CHD9: variants seen among roughly 807,000 people sequenced by gnomAD.
CHD9 encodes the protein ATP-dependent chromatin remodeler CHD9.
Under a neutral mutation model 316.1 loss-of-function variants are expected in CHD9, and 77 were observed. The observed-to-expected ratio is 0.24, with a 90% CI of 0.20 to 0.29. The LOEUF (loss-of-function observed/expected upper bound fraction) is 0.29, where lower values mean the gene tolerates loss of function less well. Among genes scored for constraint, CHD9 ranks in the 10% least tolerant of loss-of-function variants. The probability of loss-of-function intolerance (pLI) is 1.00; values close to 1 mark genes in which losing one functional copy is unlikely to be tolerated. For missense variants in CHD9, 2,763 were observed against 3,438.1 expected (o/e 0.80, Z 4.91); for synonymous variants, 1,129 against 1,158.3 (o/e 0.97, Z 0.51).
chr16:53,213,146 T>C (rs762174327), intron 3 of CHD9, among the ~76,000 whole-genome samples: 5 of 152,220 alleles, frequency 3.3e-5, no homozygotes, highest in Non-Finnish European at 7.3e-5. Context: ...AACTTATTAA[T>C]GGCTATTTTG....
chr16:53,306,025 T>C (rs2055932731), intron 31 of CHD9, among the ~76,000 whole-genome samples: 1 of 152,156 alleles, frequency 6.6e-6, no homozygotes. Context: ...AGGAGTTCTG[T>C]CCAGGCTGTG....
At chr16:53,131,268 C>A in intron 1 of CHD9, 2 of 150,842 alleles carry the variant, frequency 1.3e-5, no homozygotes, top group South Asian at 3.7e-4. Flanking sequence ...GCGCCTCAGT[C>A]ATGGCGAAGC....
intron 1 of CHD9, among the ~76,000 whole-genome samples, chr16:53,122,544 C>CTTT (rs35643983): frequency 3.1e-5 from 4 of 129,876 alleles, no homozygotes; most frequent in African/African-American, 5.6e-5. Context: ...CTGGGAATCC[C>CTTT]TTTTTTTTTT....
At chr16:53,107,852 C>T (rs2037493436) in intron 1 of CHD9, among the ~76,000 whole-genome samples, 2 of 152,034 alleles carry the variant, frequency 1.3e-5, no homozygotes, top group Admixed American at 1.3e-4. Flanking sequence ...TCCCCTGAAG[C>T]TTATTTTCTA....
At chr16:53,222,185 T>G (rs899080122) in intron 3 of CHD9, among the ~76,000 whole-genome samples, 4 of 152,190 alleles carry the variant, frequency 2.6e-5, no homozygotes, top group African/African-American at 9.6e-5. Context: ...CAAGCGATTC[T>G]CCTGCCTCAG....
At chr16:53,241,057 T>G (rs1277462958) in intron 12 of CHD9, among the ~76,000 whole-genome samples, 3 of 152,202 alleles carry the variant, frequency 2.0e-5, no homozygotes, top group African/African-American at 7.2e-5. Context: ...TTTATACCTA[T>G]TTTAATAATA....
intron 37 of CHD9, chr16:53,319,686 T>G (rs541708937): frequency 7.5e-4 from 240 of 317,978 alleles, no homozygotes; most frequent in Non-Finnish European, 9.2e-4. Flanking sequence ...ACAATTTGAA[T>G]TTTTACCTGT....
rs865779879 is a variant in CHD9, at chr16:53,196,589, G to T, written c.1453-12893G>T. Reference sequence around the variant, plus strand: ...CCTCATTTTTAAAAGCAGAATATTTGATTTAATCGTAAGATTCCTTAATAT... The same window carrying T: ...CCTCATTTTTAAAAGCAGAATATTTTATTTAATCGTAAGATTCCTTAATAT... On this transcript the variant is annotated intron_variant, in intron 2 of 38. Transcript: ENST00000447540. Among the ~76,000 whole-genome samples, 8 of 152,170 alleles carry T rather than the reference G, an allele frequency of 5.3e-5. 1 individual carries two copies. Among genetic ancestry groups the T allele is most frequent in the South Asian group, 2.1e-4 (1 of 4,826 alleles).
At position 53,306,275 on chromosome 16, in the gene CHD9, G is replaced by A. The variant is rs759268082; in HGVS notation, c.6658G>A (p.Val2220Ile). Residue 2220 changes from valine to isoleucine, a missense_variant, in exon 32 of 39, where the codon GTC (valine) becomes ATC (isoleucine). Val to Ile is a conservative substitution (Grantham distance 29, BLOSUM62 3). Coordinates refer to ENST00000447540, the MANE Select transcript of CHD9 (RefSeq NM_001308319.2). ...THMKAYDEES[V>I]ASLSTTQDET... ...CATGAAAGCCTATGATGAAGAAAGC[G>A]TCGCGTCACTGAGCACTACCCAGGA... The A allele has an allele frequency of 7.6e-5, 121 of 1,592,362 alleles. No individual in the cohort carries two copies. The highest frequency in any genetic ancestry group is 9.6e-5 in the Non-Finnish European group (112 of 1,171,924).
At chr16:53,154,009 A>G (rs1355889958) in intron 1 of CHD9, among the ~76,000 whole-genome samples, 1 of 152,216 alleles carries the variant, frequency 6.6e-6, no homozygotes, top group Admixed American at 6.5e-5. Context: ...GAATGGAAAG[A>G]GTATAAGTCC....
chr16:53,175,283 T>G (rs373867001), intron 2 of CHD9, among the ~76,000 whole-genome samples: 29 of 152,334 alleles, frequency 1.9e-4, no homozygotes, highest in African/African-American at 6.0e-4. Flanking sequence ...CCTTGGGTTC[T>G]TGGCTTCAAG....
chr16:53,106,141 A>G (rs908647900), intron 1 of CHD9, among the ~76,000 whole-genome samples: 5 of 151,956 alleles, frequency 3.3e-5, no homozygotes, highest in African/African-American at 9.7e-5. Flanking sequence ...TAAATGGATG[A>G]TTTTCATGTG....
chr16:53,206,224 A>G (rs998304018), intron 2 of CHD9, among the ~76,000 whole-genome samples: 9 of 152,026 alleles, frequency 5.9e-5, no homozygotes, highest in Admixed American at 2.0e-4. Context: ...AAGTGCTGGG[A>G]TTATAGGCAT....
chr16:53,323,831 G>A (rs2057417950), intron 38 of CHD9, among the ~76,000 whole-genome samples, 189 bp from the exon 39 acceptor site: 3 of 152,138 alleles, frequency 2.0e-5, no homozygotes, highest in Admixed American at 2.0e-4. Flanking sequence ...AAAATGAAAA[G>A]TGGAAGAGCT....
chr16:53,166,371 T>C (rs1005369198), intron 2 of CHD9, among the ~76,000 whole-genome samples: 8 of 152,056 alleles, frequency 5.3e-5, no homozygotes, highest in Non-Finnish European at 1.2e-4. Context: ...AACCCAGCTA[T>C]TGGTGAGAAA....
intron 16 of CHD9, among the ~76,000 whole-genome samples, chr16:53,249,556 T>G (rs981492772): frequency 2.0e-5 from 3 of 152,196 alleles, no homozygotes; most frequent in African/African-American, 7.2e-5. Flanking sequence ...AAAAGTAATA[T>G]ATTATGATGA....
chr16:53,292,772 C>T (rs2054454443), intron 28 of CHD9, 61 bp from the exon 29 acceptor site: 2 of 1,359,054 alleles, frequency 1.5e-6, no homozygotes, highest in South Asian at 2.5e-5. Flanking sequence ...AAAGTTGCTG[C>T]TTTTGTGAGC....
intron 1 of CHD9, among the ~76,000 whole-genome samples, chr16:53,058,607 G>C (rs147363463): frequency 1.2e-4 from 18 of 152,310 alleles, no homozygotes; most frequent in Middle Eastern, 3.4e-3. Context: ...GAAAGGGAGA[G>C]AGGCTGGGGC....
chr16:53,249,879 A>G lies in CHD9; in HGVS notation c.3674A>G (p.Tyr1225Cys), dbSNP rs2049988307. Residue 1225 changes from tyrosine to cysteine, a missense_variant, in exon 17 of 39, where the codon TAT (tyrosine) becomes TGT (cysteine). Tyr to Cys is a radical substitution (Grantham distance 194, BLOSUM62 -2). Transcript: ENST00000447540. ...TCCATTTCATTCCATAGATACTTAT[A>G]TGAGCGAATTGATGGCAGAGTCAGA... ...EDYLIHKRYLYERIDGRVRGN... is the reference protein window; with the variant it reads ...EDYLIHKRYLCERIDGRVRGN... The G allele has an allele frequency of 3.1e-6, 5 of 1,610,868 alleles. No individual in the cohort carries two copies. The highest frequency in any genetic ancestry group is 4.2e-6 in the Non-Finnish European group (5 of 1,177,082).
Sources: allele counts gnomAD v4.1 joint callset (sites outside exome capture counted in the v4.1 genomes callset), GRCh38; gene constraint gnomAD v4.1.1; transcripts MANE v1.5; gene names NCBI Gene and HGNC (gene_info 2026-07-23, HGNC 2026-07-21).